The following ANO4 variants were observed in gnomAD, a reference collection of about 807,000 sequenced individuals.
The protein encoded by ANO4 is anoctamin 4, also known as anoctamin-4.
A neutral mutation model predicts 141.9 loss-of-function variants in ANO4; 69 were observed. The ratio of observed to expected loss-of-function variants is 0.49; its 90% CI spans 0.40 to 0.59. ANO4 has a LOEUF of 0.59. ANO4 is among the 20% of genes least tolerant of loss of function. The pLI is 0.00. For synonymous variants in ANO4, 350 were observed against 394.3 expected (o/e 0.89, Z 1.33); for missense variants, 894 against 1,162.2 (o/e 0.77, Z 3.36).
chr12:101,075,725 ATCTT>A, intron 14 of ANO4, among the ~76,000 whole-genome samples: 1 of 124,992 alleles, frequency 8.0e-6, no homozygotes, highest in South Asian at 2.4e-4. Flanking sequence ...AAATATATAT[ATCTT>A]TATATATATA....
intron 8 of ANO4, among the ~76,000 whole-genome samples, chr12:101,015,237 G>C (rs2046266950): frequency 6.6e-6 from 1 of 152,176 alleles, no homozygotes; most frequent in South Asian, 2.1e-4. Flanking sequence ...TCTCCCCAGA[G>C]GCAACCAATG....
intron 4 of ANO4, among the ~76,000 whole-genome samples, chr12:100,940,458 G>A (rs1311830370): frequency 6.6e-6 from 1 of 152,106 alleles, no homozygotes. Context: ...ATTTTTGAAG[G>A]CAGATGCTAA....
chr12:101,102,965 T>G (rs2050248901), intron 22 of ANO4, among the ~76,000 whole-genome samples: 1 of 151,838 alleles, frequency 6.6e-6, no homozygotes, highest in South Asian at 2.1e-4. Context: ...TAGGAATCTT[T>G]GTGCAACTGC....
intron 9 of ANO4, among the ~76,000 whole-genome samples, chr12:101,030,183 A>G (rs1363810874): frequency 1.3e-5 from 2 of 151,900 alleles, no homozygotes; most frequent in African/African-American, 4.8e-5. Flanking sequence ...ATACATTCTC[A>G]GTGCTACATG....
chr12:101,076,432 C>T (rs1265392156), intron 14 of ANO4, among the ~76,000 whole-genome samples: 1 of 152,142 alleles, frequency 6.6e-6, no homozygotes, highest in Admixed American at 6.6e-5. Flanking sequence ...TTAGAAGCTA[C>T]CCAGTTTATG....
chr12:100,781,348 G>A (rs1398673302), intron 3 of ANO4, among the ~76,000 whole-genome samples: 3 of 152,148 alleles, frequency 2.0e-5, no homozygotes, highest in African/African-American at 7.2e-5. Context: ...CTGTTTTGCT[G>A]GTTCTTGAGG....
chr12:101,021,900 G>T (rs1269562887), intron 9 of ANO4, among the ~76,000 whole-genome samples: 4 of 151,820 alleles, frequency 2.6e-5, no homozygotes, highest in Non-Finnish European at 5.9e-5. Flanking sequence ...AATTTTTAAG[G>T]TAAAGTCTTA....
rs116211685 is a variant in ANO4, at chr12:101,102,631, T to C, written c.2149+2911T>C. Among the ~76,000 whole-genome samples the C allele has an allele frequency of 6.7e-3, 1,024 of 152,256 alleles. 9 individuals are homozygous for C. The highest frequency in any genetic ancestry group is 0.023 in the African/African-American group (971 of 41,566). Reference sequence around the variant, plus strand: ...AGATATATATGTTGAAAATTAAATATCACTTCTCAGTGGTTGGCTTGACTT... The same window carrying C: ...AGATATATATGTTGAAAATTAAATACCACTTCTCAGTGGTTGGCTTGACTT... On this transcript the variant is annotated intron_variant, in intron 22 of 27. Coordinates refer to ENST00000392977, the MANE Select transcript of ANO4 (RefSeq NM_001286615.2).
upstream of ANO4, among the ~76,000 whole-genome samples, chr12:100,791,730 T>A (rs2034054596): frequency 6.6e-6 from 1 of 152,234 alleles, no homozygotes; most frequent in Non-Finnish European, 1.5e-5. Flanking sequence ...GCTCTGAGGC[T>A]GTTCCAGTTG....
In ANO4 at chr12:100,838,584, C is replaced by T. The variant is rs181816988; in HGVS notation, c.-141+43557C>T. ...GATCAAAAATGTGCTGTTGGGAATACATATGGTAAAAACAAAAGATAAAGA... is the reference window on the plus strand; with the variant it reads ...GATCAAAAATGTGCTGTTGGGAATATATATGGTAAAAACAAAAGATAAAGA... On this transcript the variant is annotated intron_variant, in intron 1 of 27. Transcript: ENST00000392977. Among the ~76,000 whole-genome samples the T allele has an allele frequency of 2.0e-3, 309 of 152,230 alleles. No homozygotes were observed. The Middle Eastern group carries it at 0.021, about 10-fold the overall frequency.
intron 10 of ANO4, among the ~76,000 whole-genome samples, chr12:101,038,147 A>T (rs757814439): frequency 2.0e-5 from 3 of 152,230 alleles, no homozygotes; most frequent in Non-Finnish European, 4.4e-5. Context: ...TTAGACTGCC[A>T]GGAAATGTGT....
intron 1 of ANO4, among the ~76,000 whole-genome samples, chr12:100,867,901 C>T (rs1421324303): frequency 6.6e-6 from 1 of 152,140 alleles, no homozygotes; most frequent in African/African-American, 2.4e-5. Flanking sequence ...TGCAATGAAT[C>T]AGTAAACCAA....
chr12:100,953,395 G>A (rs934407194), intron 5 of ANO4, among the ~76,000 whole-genome samples: 1 of 152,204 alleles, frequency 6.6e-6, no homozygotes, highest in South Asian at 2.1e-4. Context: ...AGTGTAAGCT[G>A]AGTATTATTA....
rs770050483 is a variant in ANO4, at chr12:101,040,039, G to A, written c.982G>A (p.Gly328Ser). Reference sequence around the variant, plus strand: ...ACTCTATGAGTGCTGGGCCTCCTGGGGCGTGTGGTATAAATACCAACCTTT... The same window carrying A: ...ACTCTATGAGTGCTGGGCCTCCTGGAGCGTGTGGTATAAATACCAACCTTT... ...HLLYECWASW[G>S]VWYKYQPLDL... Residue 328 changes from glycine to serine, a missense_variant, in exon 11 of 28, where the codon GGC becomes AGC. By Grantham distance (56) the Gly-to-Ser change is moderately conservative. This residue lies in a region of ANO4 where 637 missense variants were observed against 909.2 expected (regional missense o/e 0.70). Coordinates refer to ENST00000392977, the MANE Select transcript of ANO4 (RefSeq NM_001286615.2). 1 of 1,613,210 alleles carries A rather than the reference G, an allele frequency of 6.2e-7. No homozygotes were observed. Among genetic ancestry groups the A allele is most frequent in the East Asian group, 2.2e-5 (1 of 44,878 alleles).
intron 1 of ANO4, among the ~76,000 whole-genome samples, chr12:100,898,116 A>G (rs974328017): frequency 2.6e-5 from 4 of 152,230 alleles, no homozygotes; most frequent in Admixed American, 6.5e-5. Flanking sequence ...ATAGATACCA[A>G]TTCTCAGGCT....
At position 100,893,670 on chromosome 12, in the gene ANO4, G is replaced by C. The variant is rs185292268; in HGVS notation, c.-140-7976G>C. Among the ~76,000 whole-genome samples the C allele has an allele frequency of 9.2e-5, 14 of 152,236 alleles. No homozygotes were observed. In the East Asian group the frequency reaches 1.3e-3, roughly 15 times the overall value. ...ATGATGGCCAAGTCCAAAACCAATG[G>C]AGCAGGGAATATACCTTCTCTCTCT... On this transcript the variant is annotated intron_variant, in intron 1 of 27. Coordinates refer to ENST00000392977, the MANE Select transcript of ANO4 (RefSeq NM_001286615.2).
At chr12:100,950,327 G>C (rs2042919413) in intron 5 of ANO4, among the ~76,000 whole-genome samples, 1 of 152,116 alleles carries the variant, frequency 6.6e-6, no homozygotes, top group African/African-American at 2.4e-5. Flanking sequence ...ATTACCAAGG[G>C]TCTCAAGTTA....
chr12:100,844,596 G>A (rs1309742329), intron 1 of ANO4, among the ~76,000 whole-genome samples: 2 of 152,104 alleles, frequency 1.3e-5, no homozygotes, highest in Non-Finnish European at 2.9e-5. Flanking sequence ...GCTCTGTGGG[G>A]TGGTAAGGTA....
chr12:100,966,288 A>G (rs189134862), intron 5 of ANO4, among the ~76,000 whole-genome samples: 2 of 152,346 alleles, frequency 1.3e-5, no homozygotes, highest in Non-Finnish European at 2.9e-5. Context: ...GCATTATGCC[A>G]TTTAATACGA....
Sources: allele counts gnomAD v4.1 joint callset (sites outside exome capture counted in the v4.1 genomes callset), GRCh38; gene constraint gnomAD v4.1.1; regional missense constraint gnomAD v4.1.1; transcripts MANE v1.5; gene names NCBI Gene and HGNC (gene_info 2026-07-23, HGNC 2026-07-21).